SMAGP: variants seen among roughly 807,000 people sequenced by gnomAD.
SMAGP encodes small cell adhesion glycoprotein.
SMAGP carries 7 observed loss-of-function variants against 10.1 expected under a neutral mutation model. The observed-to-expected ratio is 0.70, with a 90% CI of 0.40 to 1.31. The LOEUF is 1.31. Among genes scored for constraint, SMAGP ranks in the 50% most tolerant of loss-of-function variants. The pLI is 0.01. For synonymous variants in SMAGP, 49 were observed against 47.2 expected, an observed-to-expected ratio of 1.04 and a Z score of -0.16; for missense variants, 113 against 116.5, an observed-to-expected ratio of 0.97 and a Z score of 0.14.
intron 2 of SMAGP, among the ~76,000 whole-genome samples, chr12:51,251,110 A>T (rs1565657378): frequency 6.6e-6 from 1 of 152,020 alleles, no homozygotes; most frequent in East Asian, 1.9e-4. Context: ...GAAGATGAGT[A>T]ATTTGTGTTC....
chr12:51,246,639 T>TGTG, intron 3 of SMAGP, 112 bp downstream of exon 3: 16 of 626,218 alleles, frequency 2.6e-5, no homozygotes. Context: ...TGTGTGTGTG[T>TGTG]AATATAACTT....
At chr12:51,256,286 T>C (rs1210113556) in intron 2 of SMAGP, among the ~76,000 whole-genome samples, 3 of 151,838 alleles carry the variant, frequency 2.0e-5, no homozygotes, top group Non-Finnish European at 4.4e-5. Flanking sequence ...AGTTCAGATA[T>C]GAAGATTAGA....
intron 2 of SMAGP, among the ~76,000 whole-genome samples, chr12:51,259,275 C>T (rs1031184633): frequency 6.6e-6 from 1 of 152,078 alleles, no homozygotes; most frequent in African/African-American, 2.4e-5. Flanking sequence ...AGGGAAGATT[C>T]GACAATTTTA....
At chr12:51,267,681 G>T (rs1426919210) in intron 2 of SMAGP, among the ~76,000 whole-genome samples, 1 of 151,944 alleles carries the variant, frequency 6.6e-6, no homozygotes, top group Non-Finnish European at 1.5e-5. Flanking sequence ...TTTTTGTAGA[G>T]ATGGGGTTTC....
At chr12:51,267,504 T>C (rs1944986604) in intron 2 of SMAGP, among the ~76,000 whole-genome samples, 1 of 148,434 alleles carries the variant, frequency 6.7e-6, no homozygotes, top group Non-Finnish European at 1.5e-5. Context: ...CTCTTTTTTT[T>C]TTTTTTTAAG....
chr12:51,255,381 T>A lies in SMAGP; in HGVS notation c.35-8550A>T, dbSNP rs185703895. ...AATGCTTCTCAAACTTTCTTGTGCA[T>A]AACAATCTCCTACAGATCTCGTTAA... On this transcript the variant is annotated intron_variant, in intron 2 of 3. Transcript: ENST00000603798. Among the ~76,000 whole-genome samples, 11 of 152,244 alleles carry A rather than the reference T, an allele frequency of 7.2e-5. No individual in the cohort carries two copies. The East Asian group carries it at 1.9e-3, about 27-fold the overall frequency.
intron 2 of SMAGP, among the ~76,000 whole-genome samples, chr12:51,260,420 A>C (rs1265808817): frequency 6.6e-6 from 1 of 151,750 alleles, no homozygotes; most frequent in Admixed American, 6.6e-5. Context: ...TCTGTCACCC[A>C]GGCTGGAGTG....
At chr12:51,255,293 TC>T (rs1239653794) in intron 2 of SMAGP, among the ~76,000 whole-genome samples, 2 of 152,152 alleles carry the variant, frequency 1.3e-5, no homozygotes, top group Admixed American at 6.6e-5. Flanking sequence ...CTCCTTGGCC[TC>T]CCAAAGTGTT....
chr12:51,246,128 G>A lies in SMAGP; in HGVS notation c.116-9C>T. On this transcript the variant is annotated splice_polypyrimidine_tract_variant and intron_variant, in intron 3 of 3. Transcript: ENST00000603798. ...GACAACGGTGATAACAACTTGGAAAGGAGAGGGAAAATGTAGAGATGTTTC... is the reference window on the plus strand; with the variant it reads ...GACAACGGTGATAACAACTTGGAAAAGAGAGGGAAAATGTAGAGATGTTTC... The A allele has an allele frequency of 1.9e-6, 3 of 1,613,556 alleles. No homozygotes were observed. Among genetic ancestry groups the A allele is most frequent in the Non-Finnish European group, 2.5e-6 (3 of 1,179,608 alleles).
intron 2 of SMAGP, among the ~76,000 whole-genome samples, chr12:51,260,411 C>T (rs1944922081): frequency 1.3e-5 from 2 of 151,882 alleles, no homozygotes; most frequent in Admixed American, 1.3e-4. Flanking sequence ...GAGTCTCGCT[C>T]TGTCACCCAG....
chr12:51,245,793 C>T lies in SMAGP; in HGVS notation c.*148G>A, dbSNP rs1179229551. On this transcript the variant is annotated 3_prime_UTR_variant, in exon 4 of 4. Coordinates refer to ENST00000603798, the MANE Select transcript of SMAGP (RefSeq NM_001031628.2). ...CCCTGGTCCCTGGAGTCAGTGATGT[C>T]GGCATTTGGGACTGCGACCTGGCTG... is the stretch of plus-strand genomic sequence containing the variant. The T allele has an allele frequency of 8.6e-6, 7 of 809,956 alleles. No individual in the cohort carries two copies. Among genetic ancestry groups the T allele is most frequent in the Admixed American group, 2.9e-5 (1 of 34,242 alleles). The allele number at this position is 809,956 out of a possible 1,614,324, so 50.2% of individuals were successfully genotyped here. A position where few individuals can be genotyped will look rare whatever the true frequency, so the allele number is the denominator to read the frequency against.
Position 51,252,546 on chromosome 12 carries a change from C to T in SMAGP, c.35-5715G>A, listed in dbSNP as rs61407294. ...AGCTGGAATTACAGGCATGTGCCAC[C>T]ACACCCGGCTAATTTTTGTATTTTT... On this transcript the variant is annotated intron_variant, in intron 2 of 3. Transcript: ENST00000603798. Among the ~76,000 whole-genome samples the T allele has an allele frequency of 0.014, 2,075 of 152,166 alleles. 83 individuals carry two copies. In the East Asian group the frequency reaches 0.15, roughly 11 times the overall value.
chr12:51,245,994 G>T lies in SMAGP; in HGVS notation c.241C>A (p.Gln81Lys). The change falls in exon 4 of 4, where the codon CAG becomes AAG. Residue 81 changes from glutamine to lysine, a missense_variant. By Grantham distance (53) the Gln-to-Lys change is moderately conservative (BLOSUM62 1). Coordinates refer to ENST00000603798, the MANE Select transcript of SMAGP (RefSeq NM_001031628.2). The part of the protein sequence containing the change: ...PTEGEPSAIV[Q>K]MESDLAKGSE... ...CCCTTGGCCAAGTCACTCTCCATCT[G>T]GACGATGGCACTGGGCTCACCTTCT... 1 of 1,613,944 alleles carries T rather than the reference G, an allele frequency of 6.2e-7. No individual in the cohort carries two copies. Among genetic ancestry groups the T allele is most frequent in the South Asian group, 1.1e-5 (1 of 91,076 alleles).
intron 2 of SMAGP, among the ~76,000 whole-genome samples, chr12:51,254,131 A>G (rs1944866452): frequency 1.3e-5 from 2 of 152,214 alleles, no homozygotes; most frequent in Non-Finnish European, 1.5e-5. Flanking sequence ...AATGTACTTA[A>G]TACTGCTGGA....
intron 2 of SMAGP, among the ~76,000 whole-genome samples, chr12:51,250,500 G>GTTT (rs373705718): frequency 5.6e-4 from 49 of 88,058 alleles, no homozygotes; most frequent in Admixed American, 3.5e-3. Context: ...TTGTTGTTGT[G>GTTT]TTTTTTTTTT....
In SMAGP at chr12:51,246,110, G is replaced by T; in HGVS notation, c.125C>A (p.Thr42Asn). Residue 42 changes from threonine to asparagine, a missense_variant, in exon 4 of 4, where the codon ACC becomes AAC. By Grantham distance (65) the Thr-to-Asn change is moderately conservative. Transcript: ENST00000603798. Reference protein sequence around the residue: ...ASTALIAVVITVVFLTLLSVV... With the variant: ...ASTALIAVVINVVFLTLLSVV... The stretch of plus-strand genomic sequence containing the variant: ...CGAGAGCAGGGTGAGGAAGACAACG[G>T]TGATAACAACTTGGAAAGGAGAGGG... The T allele has an allele frequency of 6.2e-7, 1 of 1,613,864 alleles. No homozygotes were observed. The highest frequency in any genetic ancestry group is 1.1e-5 in the South Asian group (1 of 91,070).
At chr12:51,265,364 G>A (rs936779155) in intron 2 of SMAGP, among the ~76,000 whole-genome samples, 3 of 152,116 alleles carry the variant, frequency 2.0e-5, no homozygotes, top group Admixed American at 6.6e-5. Flanking sequence ...TTCCACTTCT[G>A]AGCATACATC....
intron 2 of SMAGP, among the ~76,000 whole-genome samples, chr12:51,267,496 CTTTTTTTT>C (rs5798165): frequency 2.8e-4 from 26 of 93,404 alleles, no homozygotes; most frequent in Non-Finnish European, 4.1e-4. Context: ...CCCCCTAACT[CTTTTTTTT>C]TTTTTTTAAG....
intron 2 of SMAGP, among the ~76,000 whole-genome samples, chr12:51,268,785 C>A (rs1417655200): frequency 1.3e-5 from 2 of 151,966 alleles, no homozygotes; most frequent in Non-Finnish European, 2.9e-5. Context: ...GGAGTTTCAC[C>A]ATGTTGGCCA....
Sources: allele counts gnomAD v4.1 joint callset (sites outside exome capture counted in the v4.1 genomes callset), GRCh38; gene constraint gnomAD v4.1.1; transcripts MANE v1.5; gene names NCBI Gene and HGNC (gene_info 2026-07-23, HGNC 2026-07-21).